The following UNC80 variants were observed in gnomAD, a reference collection of about 807,000 sequenced individuals.
UNC80 encodes the protein protein unc-80 homolog.
Under a neutral mutation model 384.6 loss-of-function variants are expected in UNC80, and 164 were observed. The observed-to-expected ratio is 0.43, with a 90% CI of 0.38 to 0.49. The LOEUF (loss-of-function observed/expected upper bound fraction) is 0.49, where lower values mean the gene tolerates loss of function less well. UNC80 is among the 20% of genes least tolerant of loss of function. The probability of loss-of-function intolerance (pLI) is 0.00; values close to 1 mark genes in which losing one functional copy is unlikely to be tolerated. For synonymous variants in UNC80, 1,486 were observed against 1,527.8 expected (o/e 0.97, Z 0.64); for missense variants, 3,330 against 4,143.0 (o/e 0.80, Z 5.39).
chr2:209,874,068 A>G (rs1410693367), intron 23 of UNC80, among the ~76,000 whole-genome samples: 1 of 152,096 alleles, frequency 6.6e-6, no homozygotes, highest in Non-Finnish European at 1.5e-5. Flanking sequence ...TGCCCTTTTC[A>G]GGCTTCGATT....
chr2:209,925,403 G>A (rs2090352803), intron 35 of UNC80, among the ~76,000 whole-genome samples: 1 of 152,190 alleles, frequency 6.6e-6, no homozygotes, highest in South Asian at 2.1e-4. Context: ...GCTCATAAAG[G>A]TAATGCGGAC....
In UNC80 at chr2:209,943,441, A is replaced by G. The variant is rs932774162; in HGVS notation, c.6977A>G (p.Gln2326Arg). 9.7e-6 allele frequency: 15 copies of G among 1,552,042 alleles called. No individual in the cohort carries two copies. Among genetic ancestry groups the G allele is most frequent in the Admixed American group, 2.0e-5 (1 of 50,984 alleles). ...LRQAIEFACH[Q>R]FYILHRKPFV... ...CAAGCCATCGAATTTGCCTGTCACC[A>G]GTTCTATATTCTACACCGGAAGCCC... Residue 2326 changes from glutamine to arginine, a missense_variant, in exon 45 of 65, where the codon CAG (glutamine) becomes CGG (arginine). By Grantham distance (43) the Gln-to-Arg change is conservative. Around this residue, in one of 8 missense-constraint regions of UNC80, gnomAD observed 1,049 missense variants for 1,488.6 expected, o/e 0.70. Coordinates refer to ENST00000673920, the MANE Select transcript of UNC80 (RefSeq NM_001371986.1).
chr2:209,972,390 A>T, intron 55 of UNC80, 66 bp downstream of exon 55: 2 of 1,529,548 alleles, frequency 1.3e-6, no homozygotes, highest in Non-Finnish European at 1.8e-6. Flanking sequence ...TCAGGCTGTT[A>T]TTTCTTTTTC....
chr2:209,815,758 A>G (rs996991463), intron 9 of UNC80, among the ~76,000 whole-genome samples: 1 of 152,186 alleles, frequency 6.6e-6, no homozygotes, highest in African/African-American at 2.4e-5. Flanking sequence ...GTTCTCATTT[A>G]ATCCAATGAC....
rs968595440 is a variant in UNC80 at position 209,839,957 on chromosome 2, T to C, written c.3250+527T>C. ...AAGATATTAGGAGGCTGAAGGGAAG[T>C]GAAGGAACTGAAACAAGGGGACAAG... On this transcript the variant is annotated intron_variant, in intron 19 of 64. Transcript: ENST00000673920. The surrounding 1 kb of genome is among the most constrained non-coding windows in gnomAD (Gnocchi z 4.1). Among the ~76,000 whole-genome samples the C allele has an allele frequency of 2.6e-5, 4 of 151,794 alleles. No homozygotes were observed. The highest frequency in any genetic ancestry group is 5.9e-5 in the Non-Finnish European group (4 of 67,942).
At position 209,881,029 on chromosome 2, in the gene UNC80, G is replaced by C; in HGVS notation, c.4045G>C (p.Glu1349Gln). 1 of 1,551,784 alleles carries C rather than the reference G, an allele frequency of 6.4e-7. No homozygotes were observed. The highest frequency in any genetic ancestry group is 8.7e-7 in the Non-Finnish European group (1 of 1,147,020). Reference protein sequence around the residue: ...LKMAACQLLLEITTFLRETFS... With the variant: ...LKMAACQLLLQITTFLRETFS... ...GATGGCAGCATGTCAGCTTCTTCTGGAGATTACCACCTTCCTGCGAGAGAC... is the reference window on the plus strand; with the variant it reads ...GATGGCAGCATGTCAGCTTCTTCTGCAGATTACCACCTTCCTGCGAGAGAC... Residue 1349 changes from glutamate to glutamine, a missense_variant, in exon 25 of 65, where the codon GAG becomes CAG. Physicochemically the swap from Glu to Gln is conservative, Grantham distance 29. Transcript: ENST00000673920.
In UNC80 at chr2:209,977,861, T is replaced by C. The variant is rs1241237661; in HGVS notation, c.8939-668T>C. 2.6e-5 allele frequency among the ~76,000 whole-genome samples: 4 copies of C among 152,148 alleles called. No individual in the cohort carries two copies. The East Asian group carries it at 7.7e-4, about 29-fold the overall frequency. ...GGGCAGTCATTACCCACAAGTAAAA[T>C]GTAATATGTGATAGGTTTTCTTTTT... On this transcript the variant is annotated intron_variant, in intron 58 of 64. Transcript: ENST00000673920.
chr2:209,793,659 G>A, intron 6 of UNC80, 61 bp from the exon 7 acceptor site: 1 of 1,586,972 alleles, frequency 6.3e-7, no homozygotes, highest in Middle Eastern at 1.7e-4. Flanking sequence ...AGATGATATA[G>A]CTACAGGGGA....
intron 2 of UNC80, 56 bp downstream of exon 2, chr2:209,773,198 C>G: frequency 2.1e-6 from 3 of 1,461,874 alleles, no homozygotes; most frequent in South Asian, 1.2e-5. Flanking sequence ...GTGGTTTGAA[C>G]CCAAAGACAG....
chr2:209,786,322 G>T, intron 5 of UNC80, 133 bp downstream of exon 5: 1 of 1,158,416 alleles, frequency 8.6e-7, no homozygotes. Flanking sequence ...TAAGTGTCCT[G>T]ATATAGGGCT....
intron 28 of UNC80, among the ~76,000 whole-genome samples, chr2:209,903,494 AT>A: frequency 8.9e-6 from 1 of 111,758 alleles, no homozygotes; most frequent in African/African-American, 3.6e-5. Context: ...TAATATATAT[AT>A]TATATATAGT....
At position 209,813,760 on chromosome 2, in the gene UNC80, A is replaced by G. The variant is rs771091206; in HGVS notation, c.1119A>G (p.Pro373=). Residue 373 remains proline (P), a synonymous_variant, in exon 8 of 65, where the codon CCA becomes CCG. Coordinates refer to ENST00000673920, the MANE Select transcript of UNC80 (RefSeq NM_001371986.1). The part of the protein sequence containing the change: ...LEEKPEKPPE[P]DIPLLPRPRS... The stretch of plus-strand genomic sequence containing the variant: ...AGAAGCCAGAAAAGCCTCCGGAGCC[A>G]GATATTCCTCTCCTGCCCAGACCCA... The G allele has an allele frequency of 1.9e-6, 3 of 1,551,994 alleles. No homozygotes were observed. The highest frequency in any genetic ancestry group is 2.6e-6 in the Non-Finnish European group (3 of 1,147,070).
chr2:209,888,181 C>T lies in UNC80; in HGVS notation c.4197C>T (p.Asp1399=), dbSNP rs370008905. 25 of 1,551,420 alleles carry T rather than the reference C, an allele frequency of 1.6e-5. No individual in the cohort carries two copies. The highest frequency in any genetic ancestry group is 2.0e-5 in the Non-Finnish European group (23 of 1,146,974). ...ERKISFAGVL[D]ENEDSKDSLH... ...AGATCAGCTTTGCTGGGGTCCTGGACGAAAATGAAGACTCAAAAGATTCTC... is the reference window on the plus strand; with the variant it reads ...AGATCAGCTTTGCTGGGGTCCTGGATGAAAATGAAGACTCAAAAGATTCTC... Residue 1399 remains aspartate, a synonymous_variant, in exon 26 of 65, where the codon GAC becomes GAT. Coordinates refer to ENST00000673920, the MANE Select transcript of UNC80 (RefSeq NM_001371986.1).
intron 6 of UNC80, among the ~76,000 whole-genome samples, chr2:209,792,503 G>T (rs1311289822): frequency 6.6e-6 from 1 of 151,798 alleles, no homozygotes. Flanking sequence ...GCCCACCACC[G>T]CGCCCAGCTA....
At chr2:209,909,770 G>T (rs554975714) in intron 29 of UNC80, among the ~76,000 whole-genome samples, 4 of 152,116 alleles carry the variant, frequency 2.6e-5, no homozygotes, top group Admixed American at 1.3e-4. Flanking sequence ...ATTTTTCTAA[G>T]ACATATACAT....
rs184275199 is a variant in UNC80, at chr2:209,977,398, A to G, written c.8938+320A>G. 5.1e-3 allele frequency among the ~76,000 whole-genome samples: 778 copies of G among 152,306 alleles called. 7 individuals are homozygous for G. Among genetic ancestry groups the G allele is most frequent in the African/African-American group, 0.017 (718 of 41,550 alleles). The stretch of plus-strand genomic sequence containing the variant: ...AATTGGAAGAAAAATGGTTTAAATC[A>G]TTACCTTTATTTCCTTTTGGAAAAA... On this transcript the variant is annotated intron_variant, in intron 58 of 64. Coordinates refer to ENST00000673920, the MANE Select transcript of UNC80 (RefSeq NM_001371986.1).
intron 53 of UNC80, among the ~76,000 whole-genome samples, chr2:209,970,512 A>T (rs1453436204): frequency 1.3e-5 from 2 of 152,196 alleles, no homozygotes; most frequent in East Asian, 3.9e-4. Flanking sequence ...TGCTCCATCA[A>T]GGAATGTTGA....
chr2:209,881,141 A>T (rs1488497584), intron 25 of UNC80, 47 bp downstream of exon 25: 1 of 1,535,116 alleles, frequency 6.5e-7, no homozygotes, highest in South Asian at 1.2e-5. Flanking sequence ...CGGAGAGGCC[A>T]GGCGTGTGTC....
At chr2:209,985,216 G>A (rs1052998178) in intron 61 of UNC80, among the ~76,000 whole-genome samples, 1 of 152,126 alleles carries the variant, frequency 6.6e-6, no homozygotes, top group African/African-American at 2.4e-5. Flanking sequence ...TATGCCAAAT[G>A]TTAAATTTAT....
Sources: gnomAD v4.1 joint callset for allele counts (sites outside exome capture counted in the v4.1 genomes callset) on GRCh38, gnomAD v4.1.1 for gene constraint, gnomAD v4.1.1 regional missense constraint, Gnocchi (gnomAD v3.1) non-coding constraint, MANE v1.5 for transcripts, NCBI Gene and HGNC (gene_info 2026-07-23, HGNC 2026-07-21) for gene names.